Variants in LMF1 observed in about 807,000 individuals in gnomAD.
LMF1 encodes lipase maturation factor 1, also known as transmembrane protein 112.
A neutral mutation model predicts 60.6 loss-of-function variants in LMF1; 68 were observed. That is an observed-to-expected ratio of 1.12 (90% CI 0.92 to 1.37). LMF1 has a LOEUF of 1.37. Ranked by LOEUF, LMF1 falls within the 40% of genes most tolerant of loss-of-function variation. The pLI, the probability that LMF1 is intolerant of heterozygous loss-of-function variation, is 0.00. For missense variants in LMF1, 948 were observed against 767.2 expected (o/e 1.24, Z -2.78); for synonymous variants, 418 against 324.7 (o/e 1.29, Z -3.09).
At position 910,989 on chromosome 16, in the gene LMF1, G is replaced by T; in HGVS notation, c.605C>A (p.Thr202Lys). The change falls in exon 4 of 11, where the codon ACA becomes AAA. Residue 202 changes from threonine (T) to lysine (K), a missense_variant. Coordinates refer to ENST00000262301, the MANE Select transcript of LMF1 (RefSeq NM_022773.4). ...TLSRLPQHTPTSRIVLWGFRW... is the reference protein window; with the variant it reads ...TLSRLPQHTPKSRIVLWGFRW... ...GAAGCCCCACAGGACAATCCGGGATGTGGGGGTATGCTGGGGCAGCCTTGA... is the reference window on the plus strand; with the variant it reads ...GAAGCCCCACAGGACAATCCGGGATTTGGGGGTATGCTGGGGCAGCCTTGA... 6.2e-7 allele frequency: 1 copy of T among 1,613,138 alleles called. No individual in the cohort carries two copies. Among genetic ancestry groups the T allele is most frequent in the African/African-American group, 1.3e-5 (1 of 75,060 alleles).
At chr16:875,876 G>C (rs924276598) in intron 6 of LMF1, among the ~76,000 whole-genome samples, 2 of 152,140 alleles carry the variant, frequency 1.3e-5, no homozygotes, top group Admixed American at 6.5e-5. Flanking sequence ...TCTCCAGCCC[G>C]GCCCTCCTCC....
chr16:934,109 T>A lies in LMF1; in HGVS notation c.514+135A>T, dbSNP rs1028959287. ...GGATCAGATCACAAGCGCCCATCAC[T>A]GCCCTCCGTGCATACTGGGAAGGCT... is the stretch of plus-strand genomic sequence containing the variant. On this transcript the variant is annotated intron_variant, in intron 3 of 10. Transcript: ENST00000262301. 3.9e-6 allele frequency: 6 copies of A among 1,553,162 alleles called. No individual in the cohort carries two copies. In the African/African-American group the frequency reaches 8.1e-5, roughly 21 times the overall value.
chr16:872,503 A>G (rs1477332447), intron 6 of LMF1: 2 of 152,260 alleles, frequency 1.3e-5, no homozygotes, highest in Admixed American at 6.5e-5. Context: ...CAAGGTTACT[A>G]AACCCCTGTG....
intron 10 of LMF1, among the ~76,000 whole-genome samples, chr16:867,481 G>C (rs2069642936): frequency 6.6e-6 from 1 of 152,194 alleles, no homozygotes; most frequent in African/African-American, 2.4e-5. Flanking sequence ...AGGCTGCTGA[G>C]ACGGGGCAGT....
In LMF1 at chr16:874,894, A is replaced by G. The variant is rs1401897023; in HGVS notation, c.898-3553T>C. ...CGCGGGTCACTCTCAGCCCCACACC[A>G]TATCATCCCCCAGACACCCTCTGCC... On this transcript the variant is annotated intron_variant, in intron 6 of 10. Coordinates refer to ENST00000262301, the MANE Select transcript of LMF1 (RefSeq NM_022773.4). This position sits in a 1 kb window ranked among gnomAD's most constrained non-coding sequence, Gnocchi z 4.1. Among the ~76,000 whole-genome samples, 2 of 152,020 alleles carry G rather than the reference A, an allele frequency of 1.3e-5. No individual in the cohort carries two copies. Among genetic ancestry groups the G allele is most frequent in the East Asian group, 1.9e-4 (1 of 5,190 alleles).
At chr16:888,777 C>T (rs370932384) in intron 5 of LMF1, among the ~76,000 whole-genome samples, 17 of 152,174 alleles carry the variant, frequency 1.1e-4, no homozygotes, top group African/African-American at 2.2e-4. Flanking sequence ...GTGGGGAGAG[C>T]GAGGACACCA....
intron 3 of LMF1, among the ~76,000 whole-genome samples, chr16:922,008 G>A (rs2071444836): frequency 6.6e-6 from 1 of 152,142 alleles, no homozygotes; most frequent in Admixed American, 6.5e-5. Flanking sequence ...GAGTGGGCCT[G>A]GAAACCAGCG....
Position 857,623 on chromosome 16 carries a change from A to T in LMF1, c.1530-2917T>A, listed in dbSNP as rs867256354. 2.8e-3 allele frequency among the ~76,000 whole-genome samples: 47 copies of T among 17,070 alleles called. 2 individuals are homozygous for T. Among genetic ancestry groups the T allele is most frequent in the Admixed American group, 5.3e-3 (7 of 1,312 alleles). 11.2% of individuals were successfully genotyped at this position (17,070 alleles called of 152,430 possible). A position where few individuals can be genotyped will look rare whatever the true frequency, so the allele number is the denominator to read the frequency against. On this transcript the variant is annotated intron_variant, in intron 10 of 10. Transcript: ENST00000262301. The stretch of plus-strand genomic sequence containing the variant: ...TCACGGGACGGGTGTGAGTGATGTC[A>T]CGGGACGGGTGTGAGTGGTGTCACG...
chr16:970,618 C>G (rs1257561831), intron 1 of LMF1, among the ~76,000 whole-genome samples, 170 bp downstream of exon 1: 1 of 152,100 alleles, frequency 6.6e-6, no homozygotes, highest in Non-Finnish European at 1.5e-5. Flanking sequence ...CTGTCGCCAG[C>G]AAGCCTTGTC....
Position 911,066 on chromosome 16 carries a change from C to T in LMF1, c.528G>A (p.Gln176=), listed in dbSNP as rs756285427. Residue 176 remains glutamine, a synonymous_variant, in exon 4 of 11, where the codon CAG becomes CAA. Coordinates refer to ENST00000262301, the MANE Select transcript of LMF1 (RefSeq NM_022773.4). ...TCCCCAGGAACCCCGTCTCCAGAAG[C>T]TGGGACTCCCATCCTAAAACAACGA... is the stretch of plus-strand genomic sequence containing the variant. ...HVWYSFGWES[Q]LLETGFLGIF... is the part of the protein sequence containing the mutation. 1.4e-5 allele frequency: 22 copies of T among 1,611,960 alleles called. No homozygotes were observed. The highest frequency in any genetic ancestry group is 2.7e-5 in the African/African-American group (2 of 74,876).
chr16:884,795 AG>A (rs2070259471), intron 5 of LMF1: 1 of 148,864 alleles, frequency 6.7e-6, no homozygotes, highest in South Asian at 2.2e-4. Context: ...TGTTAGGTGG[AG>A]GGAGAATGAT....
At position 854,325 on chromosome 16, in the gene LMF1, TGTGGGGCCCCAG is replaced by T. The variant is rs1341149338; in HGVS notation, c.*195_*206del. 1 of 700,840 alleles carries T rather than the reference TGTGGGGCCCCAG, an allele frequency of 1.4e-6. No individual in the cohort carries two copies. The highest frequency in any genetic ancestry group is 2.6e-6 in the Non-Finnish European group (1 of 387,700). The allele number at this position is 700,840 out of a possible 1,614,324, so 43.4% of individuals were successfully genotyped here. ...CGCCTGGGACAAGGGTTGGCCTGGA[TGTGGGGCCCCAG>T]GTGGGCAGGGCCTGGGAGCCGCCAC... On this transcript the variant is annotated 3_prime_UTR_variant, in exon 11 of 11. Transcript: ENST00000262301.
At chr16:894,649 G>A (rs954934201) in intron 4 of LMF1, among the ~76,000 whole-genome samples, 2 of 152,242 alleles carry the variant, frequency 1.3e-5, no homozygotes, top group Non-Finnish European at 2.9e-5. Context: ...GTTCGGAGGC[G>A]ATGGCTGTGG....
At chr16:914,158 C>A (rs1467023455) in intron 3 of LMF1, among the ~76,000 whole-genome samples, 2 of 151,972 alleles carry the variant, frequency 1.3e-5, no homozygotes, top group African/African-American at 4.8e-5. Flanking sequence ...GCAACCTGGG[C>A]CACCCCGACC....
intron 3 of LMF1, among the ~76,000 whole-genome samples, chr16:924,580 A>G (rs924185144): frequency 1.3e-5 from 2 of 152,132 alleles, no homozygotes; most frequent in African/African-American, 4.8e-5. Flanking sequence ...AGGTTATAAA[A>G]CCACACCATC....
rs1163812466 is a variant in LMF1 at position 885,679 on chromosome 16, ACT to A, written c.730-5944_730-5943del. 8.5e-5 allele frequency among the ~76,000 whole-genome samples: 13 copies of A among 152,322 alleles called. 1 individual carries two copies. The highest frequency in any genetic ancestry group is 3.1e-4 in the African/African-American group (13 of 41,550). On this transcript the variant is annotated intron_variant, in intron 5 of 10. Coordinates refer to ENST00000262301, the MANE Select transcript of LMF1 (RefSeq NM_022773.4). ...ACAATGTTCATCAGGAGGTCAGAAG[ACT>A]CTCAAACACGTATGTGCCTGATAAT... is the stretch of plus-strand genomic sequence containing the variant.
At chr16:886,962 T>C (rs1324050520) in intron 5 of LMF1, 2 of 146,832 alleles carry the variant, frequency 1.4e-5, no homozygotes, top group South Asian at 2.2e-4. Flanking sequence ...CAAAAACCAA[T>C]AAAACAGCCA....
At chr16:947,201 G>A (rs2072258217) in intron 2 of LMF1, among the ~76,000 whole-genome samples, 1 of 152,344 alleles carries the variant, frequency 6.6e-6, no homozygotes, top group South Asian at 2.1e-4. Flanking sequence ...CTCCCACCAC[G>A]GGGTCCCTGA....
At chr16:869,824 T>G (rs1247318848) in intron 9 of LMF1, 59 bp downstream of exon 9, 2 of 1,538,862 alleles carry the variant, frequency 1.3e-6, no homozygotes, top group Non-Finnish European at 1.8e-6. Flanking sequence ...CTGCCATCTA[T>G]GGGCAGAAGA....
Sources: allele counts gnomAD v4.1 joint callset (sites outside exome capture counted in the v4.1 genomes callset), GRCh38; gene constraint gnomAD v4.1.1; non-coding constraint Gnocchi (gnomAD v3.1); transcripts MANE v1.5; gene names NCBI Gene and HGNC (gene_info 2026-07-23, HGNC 2026-07-21).